SLC39A8: variants seen among roughly 807,000 people sequenced by gnomAD.
The protein encoded by SLC39A8 is solute carrier family 39 member 8.
A neutral mutation model predicts 40.4 loss-of-function variants in SLC39A8; 15 were observed. The ratio of observed to expected loss-of-function variants is 0.37; its 90% CI spans 0.25 to 0.57. SLC39A8 has a LOEUF of 0.57. Ranked by LOEUF, SLC39A8 falls within the 20% of genes least tolerant of loss-of-function variation. The probability of loss-of-function intolerance (pLI) is 0.75; values close to 1 mark genes in which losing one functional copy is unlikely to be tolerated. For missense variants in SLC39A8, 472 were observed against 558.8 expected (o/e 0.84, Z 1.57); for synonymous variants, 223 against 221.6 (o/e 1.01, Z -0.06).
At chr4:102,272,458 A>G (rs1171987983) in intron 6 of SLC39A8, among the ~76,000 whole-genome samples, 1 of 151,902 alleles carries the variant, frequency 6.6e-6, no homozygotes, top group Non-Finnish European at 1.5e-5. Flanking sequence ...AAAGAAAGAA[A>G]AAATTACCCA....
intron 6 of SLC39A8, among the ~76,000 whole-genome samples, chr4:102,282,343 T>G (rs2165265): frequency 0.3 from 46,194 of 152,138 alleles, 7,657 homozygotes; most frequent in East Asian, 0.41. Flanking sequence ...GAAGCATGTA[T>G]TCCAGTCTTT....
chr4:102,288,980 T>A (rs546645775), intron 6 of SLC39A8, among the ~76,000 whole-genome samples: 1 of 152,258 alleles, frequency 6.6e-6, no homozygotes, highest in East Asian at 1.9e-4. Context: ...ATTTTCAATG[T>A]TGGTAAAACA....
At chr4:102,325,098 T>C (rs1347567805) in intron 2 of SLC39A8, among the ~76,000 whole-genome samples, 1 of 152,024 alleles carries the variant, frequency 6.6e-6, no homozygotes, top group Non-Finnish European at 1.5e-5. Context: ...TATATATGTA[T>C]ACATATATAC....
chr4:102,325,500 T>A (rs1174882408), intron 2 of SLC39A8, among the ~76,000 whole-genome samples: 1 of 152,188 alleles, frequency 6.6e-6, no homozygotes, highest in Non-Finnish European at 1.5e-5. Flanking sequence ...GAAGAACGCT[T>A]TTCCTGAATA....
chr4:102,319,456 C>G (rs1734809335), intron 2 of SLC39A8, among the ~76,000 whole-genome samples: 1 of 152,178 alleles, frequency 6.6e-6, no homozygotes. Context: ...ACCTGCATCA[C>G]CTGGTGTTAG....
chr4:102,285,364 G>C (rs1170846767), intron 6 of SLC39A8, among the ~76,000 whole-genome samples: 1 of 115,432 alleles, frequency 8.7e-6, no homozygotes, highest in African/African-American at 2.8e-5. Flanking sequence ...CTTAGAATGG[G>C]ACTGAAATTC....
Position 102,335,998 on chromosome 4 carries a change from C to T in SLC39A8, c.219+8446G>A, listed in dbSNP as rs76460983. The stretch of plus-strand genomic sequence containing the variant: ...TAATGTAGCTATATCGAGTAACATA[C>T]TATTATGATGATAATAACTATGCAT... On this transcript the variant is annotated intron_variant, in intron 2 of 8. Coordinates refer to ENST00000356736, the MANE Select transcript of SLC39A8 (RefSeq NM_001135146.2). Among the ~76,000 whole-genome samples, 429 of 152,194 alleles carry T rather than the reference C, an allele frequency of 2.8e-3. 2 individuals carry two copies. Among genetic ancestry groups the T allele is most frequent in the Non-Finnish European group, 4.5e-3 (306 of 68,010 alleles).
At chr4:102,257,999 C>T (rs137984076), downstream of SLC39A8, among the ~76,000 whole-genome samples, 17 of 152,326 alleles carry the variant, frequency 1.1e-4, no homozygotes, top group East Asian at 3.1e-3. Context: ...TCTTCCCTGG[C>T]TGCATCCCTG....
intron 2 of SLC39A8, among the ~76,000 whole-genome samples, chr4:102,334,206 G>A (rs2149053218): frequency 6.6e-6 from 1 of 152,288 alleles, no homozygotes; most frequent in South Asian, 2.1e-4. Context: ...GGAATATTCA[G>A]GTTAGTCAGA....
chr4:102,341,907 T>C (rs987985983), intron 2 of SLC39A8, among the ~76,000 whole-genome samples: 1 of 152,222 alleles, frequency 6.6e-6, no homozygotes, highest in Non-Finnish European at 1.5e-5. Context: ...ATTCAATAAA[T>C]TCCTGGACCT....
rs762397396 is a variant in SLC39A8, at chr4:102,307,464, G to GA, written c.523dup (p.Ser175PhefsTer15). ...TGGAATAAGTTGGAAAATTGCATTT[G>GA]AAAAAAGAGTCCCAATAGCCAGCCC... On this transcript the variant is annotated frameshift_variant, in exon 4 of 9. Coordinates refer to ENST00000356736, the MANE Select transcript of SLC39A8 (RefSeq NM_001135146.2). LOFTEE classifies it high-confidence loss of function. The GA allele has an allele frequency of 1.2e-6, 2 of 1,613,102 alleles. No individual in the cohort carries two copies. The highest frequency in any genetic ancestry group is 1.7e-6 in the Non-Finnish European group (2 of 1,179,520).
chr4:102,288,476 G>A (rs1733283231), intron 6 of SLC39A8, among the ~76,000 whole-genome samples: 1 of 151,956 alleles, frequency 6.6e-6, no homozygotes, highest in South Asian at 2.1e-4. Context: ...TATGTGATCA[G>A]GTAAAAGGAG....
chr4:102,309,787 G>A (rs547579839), intron 3 of SLC39A8, among the ~76,000 whole-genome samples: 8 of 152,196 alleles, frequency 5.3e-5, no homozygotes, highest in African/African-American at 1.9e-4. Context: ...AACAGGAACA[G>A]TAGGATCAAT....
At chr4:102,300,798 G>T (rs1355037399) in intron 6 of SLC39A8, among the ~76,000 whole-genome samples, 1 of 151,618 alleles carries the variant, frequency 6.6e-6, no homozygotes, top group Non-Finnish European at 1.5e-5. Flanking sequence ...TAAAATATTA[G>T]AAAGTATTTT....
At chr4:102,263,318 TC>T in intron 8 of SLC39A8, 125 bp from the exon 9 acceptor site, 1 of 754,002 alleles carries the variant, frequency 1.3e-6, no homozygotes, top group Non-Finnish European at 2.2e-6. Flanking sequence ...AAAGCAAACA[TC>T]TCAATAAAGC....
At chr4:102,314,574 C>A (rs995739808) in intron 3 of SLC39A8, among the ~76,000 whole-genome samples, 10 of 152,072 alleles carry the variant, frequency 6.6e-5, no homozygotes, top group Admixed American at 2.0e-4. Context: ...CACATAGGAG[C>A]CTCTTGCTGC....
chr4:102,257,755 A>G (rs1731741683), downstream of SLC39A8, among the ~76,000 whole-genome samples: 2 of 152,210 alleles, frequency 1.3e-5, no homozygotes, highest in African/African-American at 4.8e-5. Flanking sequence ...GTCACGGAGT[A>G]ATGTCTCCCT....
At chr4:102,253,703 C>T (rs966755064) in intron 11 of SLC39A8, among the ~76,000 whole-genome samples, 8 of 152,124 alleles carry the variant, frequency 5.3e-5, no homozygotes, top group Non-Finnish European at 7.4e-5. Context: ...ACAATATTAA[C>T]ATTTTACAAA....
At chr4:102,327,279 T>C (rs1459240462) in intron 2 of SLC39A8, among the ~76,000 whole-genome samples, 1 of 152,120 alleles carries the variant, frequency 6.6e-6, no homozygotes, top group East Asian at 1.9e-4. Flanking sequence ...TGTACACATT[T>C]ATGCCGAGAG....
Sources: allele counts gnomAD v4.1 joint callset (sites outside exome capture counted in the v4.1 genomes callset), GRCh38; gene constraint gnomAD v4.1.1; transcripts MANE v1.5; gene names NCBI Gene and HGNC (gene_info 2026-07-23, HGNC 2026-07-21).